MMUT: variants seen among roughly 807,000 people sequenced by gnomAD.
The protein encoded by MMUT is methylmalonyl-CoA mutase.
In MMUT, 79 loss-of-function variants were observed where a neutral mutation model predicts 79.9. The observed-to-expected ratio is 0.99, with a 90% CI of 0.82 to 1.19. MMUT has a LOEUF of 1.19. Among genes scored for constraint, MMUT ranks in the 50% most tolerant of loss-of-function variants. MMUT has a pLI of 0.00. For synonymous variants in MMUT, 273 were observed against 295.7 expected (o/e 0.92, Z 0.79); for missense variants, 860 against 917.2 (o/e 0.94, Z 0.81).
chr6:49,434,362 CACA>C (rs1276737212), intron 12 of MMUT, among the ~76,000 whole-genome samples: 1 of 152,042 alleles, frequency 6.6e-6, no homozygotes, highest in Non-Finnish European at 1.5e-5. Context: ...TTACGAATCT[CACA>C]ACTTTATTCA....
chr6:49,452,091 T>C (rs1198319693), intron 5 of MMUT, among the ~76,000 whole-genome samples: 1 of 152,198 alleles, frequency 6.6e-6, no homozygotes, highest in African/African-American at 2.4e-5. Context: ...CACAATGATG[T>C]GTACAAAACA....
intron 1 of MMUT, among the ~76,000 whole-genome samples, chr6:49,461,427 A>G (rs1767838782): frequency 6.6e-6 from 1 of 152,220 alleles, no homozygotes; most frequent in East Asian, 1.9e-4. Context: ...TGTAAGTGCA[A>G]CAGGTTCAAC....
At chr6:49,450,126 G>A (rs1014962533) in intron 6 of MMUT, among the ~76,000 whole-genome samples, 5 of 151,790 alleles carry the variant, frequency 3.3e-5, no homozygotes, top group Non-Finnish European at 7.4e-5. Context: ...AGCTACTCGG[G>A]AGGCTGAGAC....
chr6:49,444,904 T>C, intron 8 of MMUT, 150 bp from the exon 9 acceptor site: 1 of 586,998 alleles, frequency 1.7e-6, no homozygotes, highest in Non-Finnish European at 3.0e-6. Flanking sequence ...GAATAATATA[T>C]AACCTAGGAA....
At position 49,453,629 on chromosome 6, in the gene MMUT, G is replaced by C. The variant is rs888114831; in HGVS notation, c.1039C>G (p.Leu347Val). 4 of 1,612,678 alleles carry C rather than the reference G, an allele frequency of 2.5e-6. No homozygotes were observed. Among genetic ancestry groups the C allele is most frequent in the Admixed American group, 1.7e-5 (1 of 59,988 alleles). ...CCAGATGTCTGACAGTGTGCTCTTA[G>C]AAGAAGAGATTTTGAGTTTTTAGGC... is the stretch of plus-strand genomic sequence containing the variant. The part of the protein sequence containing the change: ...FQPKNSKSLL[L>V]RAHCQTSGWS... The change falls in exon 5 of 13, where the codon CTA (leucine) becomes GTA (valine). Residue 347 changes from leucine (L) to valine (V), a missense_variant. Leu to Val is a conservative substitution (Grantham distance 32). Coordinates refer to ENST00000274813, the MANE Select transcript of MMUT (RefSeq NM_000255.4).
chr6:49,433,704 A>G (rs1343288562), intron 12 of MMUT, among the ~76,000 whole-genome samples: 2 of 152,196 alleles, frequency 1.3e-5, no homozygotes, highest in African/African-American at 4.8e-5. Context: ...GAAACTGTTA[A>G]GCTCCACATG....
intron 3 of MMUT, 34 bp downstream of exon 3, chr6:49,457,657 C>CA: frequency 6.4e-7 from 1 of 1,570,060 alleles, no homozygotes. Context: ...ATTCAAGGAA[C>CA]TATAGAAAAA....
At position 49,435,508 on chromosome 6, in the gene MMUT, G is replaced by T. The variant is rs1477387691; in HGVS notation, c.2072C>A (p.Ser691Tyr). ...GACAAGAATATCTGGCCGTCCAAGGGAGTTAAGTTCTTTGATGAGTTCAGG... is the reference window on the plus strand; with the variant it reads ...GACAAGAATATCTGGCCGTCCAAGGTAGTTAAGTTCTTTGATGAGTTCAGG... ...LVPELIKELN[S>Y]LGRPDILVMC... is the part of the protein sequence containing the mutation. The change falls in exon 12 of 13, where the codon TCC becomes TAC. Residue 691 changes from serine (S) to tyrosine (Y), a missense_variant. Coordinates refer to ENST00000274813, the MANE Select transcript of MMUT (RefSeq NM_000255.4). 1 of 1,614,050 alleles carries T rather than the reference G, an allele frequency of 6.2e-7. No individual in the cohort carries two copies. Among genetic ancestry groups the T allele is most frequent in the African/African-American group, 1.3e-5 (1 of 74,928 alleles).
intron 9 of MMUT, chr6:49,443,793 T>A (rs745903245): frequency 2.0e-5 from 9 of 439,520 alleles, no homozygotes; most frequent in South Asian, 1.5e-4. Context: ...CCTTGCCAAA[T>A]ATCGTGTCTA....
intron 2 of MMUT, among the ~76,000 whole-genome samples, chr6:49,458,454 T>C (rs1006135911): frequency 3.9e-5 from 6 of 152,230 alleles, no homozygotes; most frequent in African/African-American, 1.2e-4. Flanking sequence ...TGTTCTTTTA[T>C]CTAATATGGT....
At position 49,448,924 on chromosome 6, in the gene MMUT, T is replaced by A; in HGVS notation, c.1336A>T (p.Ile446Phe). Residue 446 changes from isoleucine to phenylalanine, a missense_variant, in exon 7 of 13, where the codon ATT becomes TTT. By Grantham distance (21) the Ile-to-Phe change is conservative. Coordinates refer to ENST00000274813, the MANE Select transcript of MMUT (RefSeq NM_000255.4). ...NDVYDAALKL[I>F]NEIEEMGGMA... ...CCACCCATTTCTTCAATTTCATTAA[T>A]GAGCTAAAAAGAAAAACATTAACAA... 1.9e-6 allele frequency: 3 copies of A among 1,604,446 alleles called. No homozygotes were observed. Among genetic ancestry groups the A allele is most frequent in the Non-Finnish European group, 2.6e-6 (3 of 1,171,478 alleles).
rs1766974661 is a variant in MMUT, at chr6:49,431,541, T to G, written c.*187A>C. The G allele has an allele frequency of 1.9e-6, 1 of 527,146 alleles. No homozygotes were observed. Among genetic ancestry groups the G allele is most frequent in the African/African-American group, 1.9e-5 (1 of 52,018 alleles). 32.7% of individuals were successfully genotyped at this position (527,146 alleles called of 1,614,324 possible). On this transcript the variant is annotated 3_prime_UTR_variant, in exon 13 of 13. Coordinates refer to ENST00000274813, the MANE Select transcript of MMUT (RefSeq NM_000255.4). Reference sequence around the variant, plus strand: ...GTTTTTAGGGATTTTTTTTTTATTTTTGAAGTGAAACTGTATGTACATACT... The same window carrying G: ...GTTTTTAGGGATTTTTTTTTTATTTGTGAAGTGAAACTGTATGTACATACT...
At position 49,441,835 on chromosome 6, in the gene MMUT, A is replaced by G; in HGVS notation, c.1808+5T>C. On this transcript the variant is annotated splice_donor_5th_base_variant and intron_variant, in intron 10 of 12. Coordinates refer to ENST00000274813, the MANE Select transcript of MMUT (RefSeq NM_000255.4). ...AATTCTGGCCTAAGAAACCTTACAT[A>G]TTACCTCTTGATAGCAGATGTTATC... The G allele has an allele frequency of 6.2e-7, 1 of 1,610,110 alleles. No homozygotes were observed. Among genetic ancestry groups the G allele is most frequent in the Admixed American group, 1.7e-5 (1 of 59,792 alleles).
rs780621348 is a variant in MMUT, at chr6:49,447,761, T to C, written c.1469A>G (p.Asn490Ser). 4.3e-6 allele frequency: 7 copies of C among 1,609,884 alleles called. 1 individual carries two copies. The highest frequency in any genetic ancestry group is 3.3e-5 in the South Asian group (3 of 90,974). ...GTCTTCTTTTTCCAACTGGTACTTATTTACTCCAACAATTACTTCAGAACC... is the reference window on the plus strand; with the variant it reads ...GTCTTCTTTTTCCAACTGGTACTTACTTACTCCAACAATTACTTCAGAACC... Reference protein sequence around the residue: ...DSGSEVIVGVNKYQLEKEDAV... With the variant: ...DSGSEVIVGVSKYQLEKEDAV... The change falls in exon 8 of 13, where the codon AAT becomes AGT. Residue 490 changes from asparagine (N) to serine (S), a missense_variant. Physicochemically the swap from Asn to Ser is conservative, Grantham distance 46. Transcript: ENST00000274813.
chr6:49,461,999 C>T (rs1239111691), intron 1 of MMUT, among the ~76,000 whole-genome samples: 1 of 152,168 alleles, frequency 6.6e-6, no homozygotes, highest in East Asian at 1.9e-4. Flanking sequence ...ATATCACACT[C>T]ATTTCACGTG....
At chr6:49,434,229 C>A (rs1218196037) in intron 12 of MMUT, among the ~76,000 whole-genome samples, 2 of 152,046 alleles carry the variant, frequency 1.3e-5, no homozygotes, top group Admixed American at 6.6e-5. Flanking sequence ...AAATAATGAC[C>A]TATTTTATGA....
At chr6:49,437,996 TTTAG>T (rs896342429) in intron 11 of MMUT, among the ~76,000 whole-genome samples, 3 of 152,102 alleles carry the variant, frequency 2.0e-5, no homozygotes, top group African/African-American at 4.8e-5. Flanking sequence ...GTTATAGTAA[TTTAG>T]TTATAGTAAT....
In MMUT at chr6:49,461,778, C is replaced by CA. The variant is rs992288928; in HGVS notation, c.-40+1324dup. Among the ~76,000 whole-genome samples the CA allele has an allele frequency of 4.6e-5, 7 of 152,122 alleles. No individual in the cohort carries two copies. The East Asian group carries it at 1.4e-3, about 29-fold the overall frequency. ...AGAGAGACCCCGTCTCAAAACAAAA[C>CA]AAAAAAACCTTCCATTTTTTTAATA... On this transcript the variant is annotated intron_variant, in intron 1 of 12. Transcript: ENST00000274813.
Position 49,441,946 on chromosome 6 carries a change from C to A in MMUT, c.1702G>T (p.Ala568Ser). The change falls in exon 10 of 13, where the codon GCC becomes TCC. Residue 568 changes from alanine (A) to serine (S), a missense_variant. Physicochemically the swap from Ala to Ser is moderately conservative, Grantham distance 99. Coordinates refer to ENST00000274813, the MANE Select transcript of MMUT (RefSeq NM_000255.4). ...ARCTVGEITD[A>S]LKKVFGEHKA... Reference sequence around the variant, plus strand: ...TGTTCACCAAATACCTTTTTCAGGGCATCTGTGATTTCTCCCACTGTACAT... The same window carrying A: ...TGTTCACCAAATACCTTTTTCAGGGAATCTGTGATTTCTCCCACTGTACAT... 6.2e-7 allele frequency: 1 copy of A among 1,611,334 alleles called. No homozygotes were observed. The highest frequency in any genetic ancestry group is 8.5e-7 in the Non-Finnish European group (1 of 1,178,046).
Sources: allele counts gnomAD v4.1 joint callset (sites outside exome capture counted in the v4.1 genomes callset), GRCh38; gene constraint gnomAD v4.1.1; transcripts MANE v1.5; gene names NCBI Gene and HGNC (gene_info 2026-07-23, HGNC 2026-07-21).